Variants in TMEM233 observed in about 807,000 individuals in gnomAD.
TMEM233 encodes transmembrane protein 233, also known as dispanin subfamily B member 2.
TMEM233 carries 6 observed loss-of-function variants against 11.2 expected under a neutral mutation model. The observed-to-expected ratio is 0.54, with a 90% CI of 0.29 to 1.06. The LOEUF (loss-of-function observed/expected upper bound fraction) is 1.06. TMEM233 is among the 50% of genes least tolerant of loss of function. The pLI is 0.08. For synonymous variants in TMEM233, 59 were observed against 55.8 expected (o/e 1.06, Z -0.26); for missense variants, 127 against 144.7 (o/e 0.88, Z 0.63).
Position 119,594,849 on chromosome 12 carries a change from G to A in TMEM233, c.186+815G>A, listed in dbSNP as rs1420932333. On this transcript the variant is annotated intron_variant, in intron 1 of 2. Coordinates refer to ENST00000426426, the MANE Select transcript of TMEM233 (RefSeq NM_001136534.3). The surrounding 1 kb of genome is among the most constrained non-coding windows in gnomAD (Gnocchi z 5.6). ...TCTTACTCTTTCTACCCAGCGCGTCGTAGTTCCTCCCCGTTTGCTGCGCAC... is the reference window on the plus strand; with the variant it reads ...TCTTACTCTTTCTACCCAGCGCGTCATAGTTCCTCCCCGTTTGCTGCGCAC... Among the ~76,000 whole-genome samples, 3 of 152,042 alleles carry A rather than the reference G, an allele frequency of 2.0e-5. No homozygotes were observed. Among genetic ancestry groups the A allele is most frequent in the African/African-American group, 7.2e-5 (3 of 41,410 alleles).
rs866319247 is a variant in TMEM233 at position 119,630,548 on chromosome 12, G to A, written c.323+676G>A. On this transcript the variant is annotated intron_variant, in intron 2 of 2. Transcript: ENST00000426426. ...ATAGACAATATAGAAATGAACAGGC[G>A]TGGCTGTGTTCCAATAAAACTTTAT... Among the ~76,000 whole-genome samples, 9 of 152,322 alleles carry A rather than the reference G, an allele frequency of 5.9e-5. No individual in the cohort carries two copies. The South Asian group carries it at 1.5e-3, about 25-fold the overall frequency.
At chr12:119,626,426 C>T (rs560399821) in intron 1 of TMEM233, among the ~76,000 whole-genome samples, 5 of 145,656 alleles carry the variant, frequency 3.4e-5, no homozygotes, top group South Asian at 2.2e-4. Context: ...GCTGAGATCA[C>T]GTCACTGCAC....
intron 2 of TMEM233, among the ~76,000 whole-genome samples, chr12:119,638,050 C>T (rs1334024680): frequency 6.6e-6 from 1 of 152,154 alleles, no homozygotes; most frequent in Non-Finnish European, 1.5e-5. Flanking sequence ...AGGCACCCAC[C>T]AACCCAGCAA....
At chr12:119,622,233 G>A (rs1274482809) in intron 1 of TMEM233, among the ~76,000 whole-genome samples, 4 of 151,998 alleles carry the variant, frequency 2.6e-5, no homozygotes, top group Admixed American at 1.3e-4. Context: ...ATTCATGCGG[G>A]GAAAAAATCT....
At chr12:119,638,179 G>T (rs753075395) in intron 2 of TMEM233, among the ~76,000 whole-genome samples, 1 of 152,154 alleles carries the variant, frequency 6.6e-6, no homozygotes, top group African/African-American at 2.4e-5. Flanking sequence ...TGCCAATGCC[G>T]CTGGGCACTG....
In TMEM233 at chr12:119,629,710, A is replaced by G. The variant is rs904374166; in HGVS notation, c.187-26A>G. ...CTTTCCCTGTGGGTTATCTGTCATCACCAGCTCTTCCCTTCTGTCCCCCAG... is the reference window on the plus strand; with the variant it reads ...CTTTCCCTGTGGGTTATCTGTCATCGCCAGCTCTTCCCTTCTGTCCCCCAG... On this transcript the variant is annotated intron_variant, in intron 1 of 2. Coordinates refer to ENST00000426426, the MANE Select transcript of TMEM233 (RefSeq NM_001136534.3). 8.4e-6 allele frequency: 13 copies of G among 1,542,434 alleles called. No homozygotes were observed. In the Admixed American group the frequency reaches 1.0e-4, roughly 12 times the overall value.
chr12:119,608,486 G>A (rs1242627562), intron 1 of TMEM233, among the ~76,000 whole-genome samples: 1 of 152,250 alleles, frequency 6.6e-6, no homozygotes, highest in Non-Finnish European at 1.5e-5. Flanking sequence ...AAATGAAGGA[G>A]GCTGAGGGAG....
downstream of TMEM233, among the ~76,000 whole-genome samples, chr12:119,647,189 C>T (rs1955164433): frequency 6.6e-6 from 1 of 152,150 alleles, no homozygotes; most frequent in African/African-American, 2.4e-5. Flanking sequence ...AGCCACCATA[C>T]CCAGCCTTTA....
rs72330785 is a variant in TMEM233 at position 119,627,333 on chromosome 12, AAGT to A, written c.187-2399_187-2397del. Among the ~76,000 whole-genome samples the A allele has an allele frequency of 9.5e-3, 1,445 of 152,340 alleles. 9 individuals carry two copies. The highest frequency in any genetic ancestry group is 0.024 in the South Asian group (115 of 4,832). ...ACTCAACTCTGTCTTTGTAGCACAA[AAGT>A]AGTGTGTCAGTCCATTTTGCACTGC... On this transcript the variant is annotated intron_variant, in intron 1 of 2. Transcript: ENST00000426426.
intron 1 of TMEM233, among the ~76,000 whole-genome samples, chr12:119,619,907 T>C (rs554038328): frequency 6.6e-6 from 1 of 152,310 alleles, no homozygotes; most frequent in South Asian, 2.1e-4. Context: ...TCATAATATG[T>C]AAAAGTTTCC....
chr12:119,601,296 A>G (rs1406921153), intron 1 of TMEM233, among the ~76,000 whole-genome samples: 1 of 152,186 alleles, frequency 6.6e-6, no homozygotes, highest in Non-Finnish European at 1.5e-5. Flanking sequence ...GAAAGAAAGG[A>G]AACATTATTA....
the TMEM233 span, among the ~76,000 whole-genome samples, chr12:119,651,419 T>C: frequency 2.6e-4 from 40 of 152,230 alleles, no homozygotes; most frequent in Admixed American, 2.6e-3. Context: ...AACAGTTAGG[T>C]CATACAACCA....
rs955029965 is a variant in TMEM233, at chr12:119,641,367, A to G, written c.*662A>G. 7.9e-5 allele frequency: 12 copies of G among 152,216 alleles called. No individual in the cohort carries two copies. Among genetic ancestry groups the G allele is most frequent in the African/African-American group, 2.7e-4 (11 of 41,438 alleles). 9.4% of individuals were successfully genotyped at this position (152,216 alleles called of 1,614,324 possible). ...CCCTTGCTTGCATCCACGTTGGTCA[A>G]CTTGACCAAAACCTCACTCTTCACT... is the stretch of plus-strand genomic sequence containing the variant. On this transcript the variant is annotated 3_prime_UTR_variant, in exon 3 of 3. Transcript: ENST00000426426.
intron 2 of TMEM233, among the ~76,000 whole-genome samples, chr12:119,633,659 A>G (rs546983823): frequency 1.3e-4 from 20 of 152,308 alleles, no homozygotes; most frequent in African/African-American, 4.8e-4. Flanking sequence ...GGGGCAAGAG[A>G]GAGAGAGACA....
intron 2 of TMEM233, among the ~76,000 whole-genome samples, chr12:119,635,379 G>T (rs942582472): frequency 6.6e-6 from 1 of 152,130 alleles, no homozygotes; most frequent in Non-Finnish European, 1.5e-5. Context: ...ATATTCTAAA[G>T]TTGCAGAACT....
At position 119,594,945 on chromosome 12, in the gene TMEM233, C is replaced by T. The variant is rs1382985551; in HGVS notation, c.186+911C>T. ...GCCCCTCCACCGCTCTGTCCTGCGC[C>T]CGGGGCTCTCCCGGGAATGAACTAG... is the stretch of plus-strand genomic sequence containing the variant. On this transcript the variant is annotated intron_variant, in intron 1 of 2. Transcript: ENST00000426426. The surrounding 1 kb of genome is among the most constrained non-coding windows in gnomAD (Gnocchi z 5.6). Among the ~76,000 whole-genome samples the T allele has an allele frequency of 3.3e-5, 5 of 152,188 alleles. No individual in the cohort carries two copies. Among genetic ancestry groups the T allele is most frequent in the African/African-American group, 1.2e-4 (5 of 41,476 alleles).
chr12:119,604,760 A>C (rs1229131743), intron 1 of TMEM233, among the ~76,000 whole-genome samples: 1 of 152,068 alleles, frequency 6.6e-6, no homozygotes, highest in Non-Finnish European at 1.5e-5. Flanking sequence ...CAGTCTCCAA[A>C]GTGCTGGAAT....
Position 119,640,751 on chromosome 12 carries a change from CCA to C in TMEM233, c.*54_*55del. The stretch of plus-strand genomic sequence containing the variant: ...TGTGAGCGTGGAGGATGGACCTCAT[CCA>C]CACACACCCCAAAGGAGTTTCTAAG... On this transcript the variant is annotated 3_prime_UTR_variant, in exon 3 of 3. Transcript: ENST00000426426. 6.5e-7 allele frequency: 1 copy of C among 1,548,424 alleles called. No homozygotes were observed. Among genetic ancestry groups the C allele is most frequent in the Non-Finnish European group, 8.7e-7 (1 of 1,145,154 alleles).
intron 2 of TMEM233, among the ~76,000 whole-genome samples, chr12:119,633,395 A>C (rs1954922240): frequency 6.6e-6 from 1 of 152,064 alleles, no homozygotes; most frequent in Non-Finnish European, 1.5e-5. Flanking sequence ...AGCCTGGGCA[A>C]CATAGCTAGA....
Sources: allele counts gnomAD v4.1 joint callset (sites outside exome capture counted in the v4.1 genomes callset), GRCh38; gene constraint gnomAD v4.1.1; non-coding constraint Gnocchi (gnomAD v3.1); transcripts MANE v1.5; gene names NCBI Gene and HGNC (gene_info 2026-07-23, HGNC 2026-07-21).